Variants in NHS observed in about 807,000 individuals in gnomAD.
NHS encodes the protein NHS actin remodeling regulator.
In NHS, 5 loss-of-function variants were observed where a neutral mutation model predicts 72.5. That is an observed-to-expected ratio of 0.07 (90% CI 0.04 to 0.14). The LOEUF (loss-of-function observed/expected upper bound fraction) is 0.14. NHS is among the 10% of genes least tolerant of loss of function. NHS has a pLI of 1.00. For missense variants in NHS, 1,072 were observed against 1,355.7 expected (o/e 0.79, Z 3.29); for synonymous variants, 464 against 547.7 (o/e 0.85, Z 2.13).
Position 17,726,881 on chromosome X carries a change from T to C in NHS, c.2775T>C (p.Pro925=), listed in dbSNP as rs1200421180. 8.3e-7 allele frequency: 1 copy of C among 1,211,726 alleles called. No individual in the cohort carries two copies. Among genetic ancestry groups the C allele is most frequent in the African/African-American group, 1.7e-5 (1 of 57,780 alleles). ...INQSEQGIKE[P]QLDASDIPPF... ...AGAGTGAACAAGGCATTAAGGAACC[T>C]CAGTTAGATGCTTCGGATATTCCAC... Residue 925 remains proline, a synonymous_variant, in exon 7 of 9, where the codon CCT becomes CCC. Coordinates refer to ENST00000676302, the MANE Select transcript of NHS (RefSeq NM_001291867.2).
intron 3 of NHS, among the ~76,000 whole-genome samples, chrX:17,697,636 CATACATTTTA>C (rs1310710632): frequency 9.0e-6 from 1 of 111,629 alleles, no homozygotes; most frequent in East Asian, 2.8e-4. Flanking sequence ...GGATGGGTAG[CATACATTTTA>C]ATACATGTAA....
At chrX:17,508,943 G>T (rs750713291) in intron 1 of NHS, among the ~76,000 whole-genome samples, 1 of 111,916 alleles carries the variant, frequency 8.9e-6, no homozygotes, top group African/African-American at 3.3e-5. Context: ...TACAGAGAAG[G>T]TAAGGGGTTG....
At position 17,724,376 on chromosome X, in the gene NHS, T is replaced by C. The variant is rs775496461; in HGVS notation, c.1186T>C (p.Leu396=). 2 of 1,210,070 alleles carry C rather than the reference T, an allele frequency of 1.7e-6. No homozygotes were observed. Among genetic ancestry groups the C allele is most frequent in the Admixed American group, 2.2e-5 (1 of 45,741 alleles). Residue 396 remains leucine (L), a synonymous_variant, in exon 6 of 9, where the codon TTG becomes CTG. Transcript: ENST00000676302. The part of the protein sequence containing the change: ...SQSVLQRRRK[L]RRRKTISGIP... ...ATCGGTACTACAGCGGAGACGAAAA[T>C]TGAGGAGGAGGAAAACCATCTCGGG...
intron 3 of NHS, among the ~76,000 whole-genome samples, chrX:17,700,451 A>G (rs2066256470): frequency 9.1e-6 from 1 of 110,031 alleles, no homozygotes. Flanking sequence ...CAAAAAAAAA[A>G]AAAGAAAAGA....
intron 1 of NHS, among the ~76,000 whole-genome samples, chrX:17,657,274 T>C (rs1004508135): frequency 8.8e-6 from 1 of 113,062 alleles, no homozygotes; most frequent in African/African-American, 3.2e-5. Context: ...CCCGCCATGA[T>C]GGTGCACAGT....
intron 1 of NHS, among the ~76,000 whole-genome samples, chrX:17,651,189 A>G (rs1190661652): frequency 8.9e-6 from 1 of 112,022 alleles, no homozygotes; most frequent in Non-Finnish European, 1.9e-5. Context: ...TTTCCCAGCC[A>G]TGGGTGTCTG....
At chrX:17,582,551 C>T (rs1467253006) in intron 1 of NHS, among the ~76,000 whole-genome samples, 1 of 111,727 alleles carries the variant, frequency 9.0e-6, no homozygotes, top group Non-Finnish European at 1.9e-5. Flanking sequence ...GAGTCCTTGG[C>T]CTTTTCTTGG....
At chrX:17,686,290 G>A (rs952848230) in intron 1 of NHS, among the ~76,000 whole-genome samples, 2 of 111,804 alleles carry the variant, frequency 1.8e-5, no homozygotes, top group African/African-American at 6.5e-5. Flanking sequence ...AAATAGGAGG[G>A]GCTCAGGTTT....
intron 1 of NHS, among the ~76,000 whole-genome samples, chrX:17,587,566 G>A (rs1036314120): frequency 1.8e-5 from 2 of 112,271 alleles, no homozygotes; most frequent in Non-Finnish European, 3.7e-5. Flanking sequence ...ACGCAATTGT[G>A]CGAATAATGT....
chrX:17,584,422 G>T (rs943876092), intron 1 of NHS, among the ~76,000 whole-genome samples: 2 of 111,879 alleles, frequency 1.8e-5, no homozygotes, highest in Non-Finnish European at 3.8e-5. Flanking sequence ...CTGCTGCCTT[G>T]GTGGGCCTCC....
chrX:17,605,343 A>C (rs968719718), intron 1 of NHS, among the ~76,000 whole-genome samples: 1 of 111,962 alleles, frequency 8.9e-6, no homozygotes, highest in South Asian at 3.8e-4. Flanking sequence ...ATTGGAACAA[A>C]AATGATGAGA....
intron 1 of NHS, among the ~76,000 whole-genome samples, chrX:17,644,228 T>A (rs906486725): frequency 1.2e-4 from 13 of 111,852 alleles, no homozygotes; most frequent in African/African-American, 3.9e-4. Flanking sequence ...AGAGAACTCT[T>A]GGATTCAATA....
chrX:17,688,358 G>A (rs1193062044), intron 2 of NHS, among the ~76,000 whole-genome samples: 1 of 111,787 alleles, frequency 8.9e-6, no homozygotes, highest in East Asian at 2.8e-4. Context: ...AGGGAATTTG[G>A]CTTGACTCAT....
At chrX:17,550,696 C>T (rs767741273) in intron 1 of NHS, among the ~76,000 whole-genome samples, 49 of 112,099 alleles carry the variant, frequency 4.4e-4, no homozygotes, top group Non-Finnish European at 6.6e-4. Context: ...TAATGGTCTT[C>T]CCACTTCCCC....
chrX:17,457,527 C>T (rs1280620043), intron 1 of NHS, among the ~76,000 whole-genome samples: 1 of 111,404 alleles, frequency 9.0e-6, no homozygotes, highest in East Asian at 2.8e-4. Context: ...ATGAGGGATC[C>T]ACTCTCACAA....
intron 1 of NHS, among the ~76,000 whole-genome samples, chrX:17,545,373 C>T (rs752132529): frequency 2.7e-5 from 3 of 112,196 alleles, no homozygotes; most frequent in Non-Finnish European, 5.6e-5. Context: ...TCCACCTGGT[C>T]GTTCGGAAAC....
At chrX:17,528,055 G>A (rs1480366808) in intron 1 of NHS, among the ~76,000 whole-genome samples, 3 of 111,700 alleles carry the variant, frequency 2.7e-5, no homozygotes, top group African/African-American at 3.3e-5. Context: ...TTTTTCTACC[G>A]CTTCCTCTTG....
intron 1 of NHS, among the ~76,000 whole-genome samples, chrX:17,451,685 T>C (rs753213375): frequency 8.9e-6 from 1 of 112,154 alleles, no homozygotes; most frequent in African/African-American, 3.2e-5. Flanking sequence ...GTCTATCTCT[T>C]ATAGTATGTA....
Position 17,732,479 on chromosome X carries a change from G to A in NHS, c.*15G>A. The A allele has an allele frequency of 8.2e-7, 1 of 1,212,437 alleles. No individual in the cohort carries two copies. The highest frequency in any genetic ancestry group is 1.1e-6 in the Non-Finnish European group (1 of 895,665). ...GTTCAACATAGACTGCCTGTACCAG[G>A]CTGCCTGGCAAAGGCCAAAACCCTT... On this transcript the variant is annotated 3_prime_UTR_variant, in exon 9 of 9. Transcript: ENST00000676302.
Sources: gnomAD v4.1 joint callset for allele counts (sites outside exome capture counted in the v4.1 genomes callset) on GRCh38, gnomAD v4.1.1 for gene constraint, MANE v1.5 for transcripts, NCBI Gene and HGNC (gene_info 2026-07-23, HGNC 2026-07-21) for gene names.